The following BOC variants were observed in gnomAD, a reference collection of about 807,000 sequenced individuals.
BOC encodes brother of CDO.
A neutral mutation model predicts 112.0 loss-of-function variants in BOC; 76 were observed. The ratio of observed to expected loss-of-function variants is 0.68; its 90% CI spans 0.56 to 0.82. BOC has a LOEUF of 0.82. Among genes scored for constraint, BOC ranks in the 40% least tolerant of loss-of-function variants. The probability of loss-of-function intolerance (pLI) is 0.00; values close to 1 mark genes in which losing one functional copy is unlikely to be tolerated. For synonymous variants in BOC, 580 were observed against 599.8 expected (o/e 0.97, Z 0.48); for missense variants, 1,309 against 1,511.7 (o/e 0.87, Z 2.22).
chr3:113,286,507 G>A (rs1000598226), intron 19 of BOC, among the ~76,000 whole-genome samples, 168 bp from the exon 20 acceptor site: 8 of 152,102 alleles, frequency 5.3e-5, no homozygotes, highest in Admixed American at 2.6e-4. Flanking sequence ...GTTTTGATGA[G>A]AGACCTTGGA....
At chr3:113,227,335 G>A (rs557959069) in intron 2 of BOC, among the ~76,000 whole-genome samples, 1 of 152,314 alleles carries the variant, frequency 6.6e-6, no homozygotes, top group African/African-American at 2.4e-5. Context: ...CTACAGTCAG[G>A]GAAAAGCCAG....
chr3:113,219,036 C>T (rs187574803), intron 2 of BOC, among the ~76,000 whole-genome samples: 108 of 152,286 alleles, frequency 7.1e-4, no homozygotes, highest in African/African-American at 2.5e-3. Flanking sequence ...AACAGGTTGT[C>T]CAAAGGTGGT....
chr3:113,259,202 C>T (rs1302505238), intron 4 of BOC, among the ~76,000 whole-genome samples: 2 of 152,216 alleles, frequency 1.3e-5, no homozygotes, highest in Non-Finnish European at 2.9e-5. Context: ...ACCTCAGGTT[C>T]ATAGTGCATC....
intron 2 of BOC, among the ~76,000 whole-genome samples, chr3:113,231,961 C>A: frequency 6.6e-6 from 1 of 152,184 alleles, no homozygotes; most frequent in East Asian, 1.9e-4. Context: ...TGTTTGCCTG[C>A]AGCATAGTGA....
chr3:113,272,745 C>G (rs1348312902), intron 7 of BOC, 42 bp downstream of exon 7: 2 of 1,599,562 alleles, frequency 1.3e-6, no homozygotes, highest in Non-Finnish European at 8.5e-7. Context: ...GGCCTTCTCT[C>G]TGGTCTGTGC....
Position 113,286,718 on chromosome 3 carries a change from C to T in BOC, c.3204C>T (p.Asp1068=), listed in dbSNP as rs201330970. 26 of 1,610,166 alleles carry T rather than the reference C, an allele frequency of 1.6e-5. No homozygotes were observed. In the East Asian group the frequency reaches 5.6e-4, roughly 35 times the overall value. ...CLGLVPVEEV[D]SPDSCQVSGG... is the part of the protein sequence containing the mutation. ...GCCTTGTGCCAGTTGAAGAGGTGGACAGTCCTGACTCCTGCCAAGTGAGTG... is the reference window on the plus strand; with the variant it reads ...GCCTTGTGCCAGTTGAAGAGGTGGATAGTCCTGACTCCTGCCAAGTGAGTG... Residue 1068 remains aspartate, a synonymous_variant, in exon 20 of 20, where the codon GAC becomes GAT. Coordinates refer to ENST00000682979, the MANE Select transcript of BOC (RefSeq NM_001378074.1).
At chr3:113,267,599 T>A (rs1040286555) in intron 4 of BOC, among the ~76,000 whole-genome samples, 1 of 152,164 alleles carries the variant, frequency 6.6e-6, no homozygotes, top group Non-Finnish European at 1.5e-5. Flanking sequence ...CAAGGAAGGA[T>A]CCTCCGTGAA....
At chr3:113,267,882 G>T (rs140238242) in intron 4 of BOC, among the ~76,000 whole-genome samples, 115 of 152,310 alleles carry the variant, frequency 7.6e-4, no homozygotes, top group Non-Finnish European at 1.2e-3. Flanking sequence ...TTGGAGAAAA[G>T]ACATGAGCAT....
chr3:113,217,324 T>C (rs924008591), intron 2 of BOC, among the ~76,000 whole-genome samples: 2 of 152,216 alleles, frequency 1.3e-5, no homozygotes, highest in Non-Finnish European at 2.9e-5. Context: ...CAGGCCAGCC[T>C]GGGCAACATG....
At chr3:113,236,813 A>G (rs1054262538) in intron 2 of BOC, among the ~76,000 whole-genome samples, 2 of 152,218 alleles carry the variant, frequency 1.3e-5, no homozygotes, top group African/African-American at 4.8e-5. Context: ...CATCCAGTGA[A>G]TGGCTTTTGG....
At chr3:113,252,000 C>T (rs575111074) in intron 4 of BOC, 4 of 152,186 alleles carry the variant, frequency 2.6e-5, no homozygotes, top group Non-Finnish European at 5.9e-5. Flanking sequence ...AGACGTCCTA[C>T]CTTTGCATGT....
At chr3:113,265,844 G>A (rs1166728954) in intron 4 of BOC, among the ~76,000 whole-genome samples, 1 of 152,250 alleles carries the variant, frequency 6.6e-6, no homozygotes, top group Non-Finnish European at 1.5e-5. Context: ...CAAGTGCAGA[G>A]GCAGGTTGCA....
At chr3:113,272,321 T>C in intron 6 of BOC, 89 bp from the exon 7 acceptor site, 1 of 1,428,500 alleles carries the variant, frequency 7.0e-7, no homozygotes, top group Non-Finnish European at 9.6e-7. Flanking sequence ...TGATCCCATC[T>C]CCATGCTCTC....
At position 113,284,487 on chromosome 3, in the gene BOC, A is replaced by G. The variant is rs1194856288; in HGVS notation, c.2809A>G (p.Met937Val). 3.7e-6 allele frequency: 6 copies of G among 1,614,204 alleles called. No individual in the cohort carries two copies. In the African/African-American group the frequency reaches 5.3e-5, roughly 14 times the overall value. The change falls in exon 17 of 20, where the codon ATG (methionine) becomes GTG (valine). Residue 937 changes from methionine to valine, a missense_variant. Met to Val is a conservative substitution (Grantham distance 21). Coordinates refer to ENST00000682979, the MANE Select transcript of BOC (RefSeq NM_001378074.1). ...ACGGGCCTGTGCTAATGGGATCCAC[A>G]TGAATAGGGGCTGCCCCTCGGCTGC... ...SGRACANGIH[M>V]NRGCPSAAVG...
At chr3:113,285,314 G>A in intron 18 of BOC, 58 bp from the exon 19 acceptor site, 2 of 1,548,032 alleles carry the variant, frequency 1.3e-6, no homozygotes, top group South Asian at 1.1e-5. Flanking sequence ...GCAGGGGGAT[G>A]GGGCGACAGG....
At chr3:113,223,012 A>T (rs1036312441) in intron 2 of BOC, among the ~76,000 whole-genome samples, 1 of 152,238 alleles carries the variant, frequency 6.6e-6, no homozygotes, top group African/African-American at 2.4e-5. Context: ...GCACATTGGG[A>T]TGTTCACCCA....
At chr3:113,261,173 C>G (rs1261443991) in intron 4 of BOC, among the ~76,000 whole-genome samples, 1 of 152,196 alleles carries the variant, frequency 6.6e-6, no homozygotes, top group Non-Finnish European at 1.5e-5. Flanking sequence ...CATTCTTTCT[C>G]TCAGCTCCTC....
At position 113,274,540 on chromosome 3, in the gene BOC, G is replaced by T; in HGVS notation, c.1400G>T (p.Gly467Val). The change falls in exon 9 of 20, where the codon GGG (glycine) becomes GTG (valine). Residue 467 changes from glycine (G) to valine (V), a missense_variant. Gly to Val is a moderately radical substitution (Grantham distance 109). Transcript: ENST00000682979. The surrounding 1 kb of genome is among the most constrained non-coding windows in gnomAD (Gnocchi z 4.8). ...PASPQCPGEK[G>V]QGAPAEAPII... ...TCCCCGCAGTGTCCAGGAGAGAAGGGGCAGGGGGCTCCCGCCGAGGCTCCC... is the reference window on the plus strand; with the variant it reads ...TCCCCGCAGTGTCCAGGAGAGAAGGTGCAGGGGGCTCCCGCCGAGGCTCCC... The T allele has an allele frequency of 1.2e-6, 2 of 1,613,380 alleles. No individual in the cohort carries two copies. Among genetic ancestry groups the T allele is most frequent in the Non-Finnish European group, 1.7e-6 (2 of 1,179,902 alleles).
At chr3:113,266,174 A>T (rs1344117858) in intron 4 of BOC, among the ~76,000 whole-genome samples, 1 of 152,244 alleles carries the variant, frequency 6.6e-6, no homozygotes, top group Non-Finnish European at 1.5e-5. Context: ...ATGGGGCAAT[A>T]GAAAGGAATC....
Sources: gnomAD v4.1 joint callset for allele counts (sites outside exome capture counted in the v4.1 genomes callset) on GRCh38, gnomAD v4.1.1 for gene constraint, Gnocchi (gnomAD v3.1) non-coding constraint, MANE v1.5 for transcripts, NCBI Gene and HGNC (gene_info 2026-07-23, HGNC 2026-07-21) for gene names.